CALD1: variants seen among roughly 807,000 people sequenced by gnomAD.
CALD1 encodes caldesmon.
In CALD1, 33 loss-of-function variants were observed where a neutral mutation model predicts 99.9. The observed-to-expected ratio is 0.33, with a 90% CI of 0.25 to 0.44. The LOEUF (loss-of-function observed/expected upper bound fraction) is 0.44, where lower values mean the gene tolerates loss of function less well. Ranked by LOEUF, CALD1 falls within the 20% of genes least tolerant of loss-of-function variation. CALD1 has a pLI of 1.00. For synonymous variants in CALD1, 310 were observed against 325.0 expected (o/e 0.95, Z 0.50); for missense variants, 861 against 962.1 (o/e 0.89, Z 1.39).
chr7:134,780,595 A>G (rs1329951095), intron 1 of CALD1, among the ~76,000 whole-genome samples: 3 of 152,186 alleles, frequency 2.0e-5, no homozygotes, highest in Non-Finnish European at 4.4e-5. Context: ...CTAGATAGAC[A>G]TATTTGGGTG....
intron 2 of CALD1, among the ~76,000 whole-genome samples, chr7:134,865,025 G>C (rs1800741018): frequency 6.6e-6 from 1 of 152,102 alleles, no homozygotes; most frequent in African/African-American, 2.4e-5. Flanking sequence ...CCTCACGACT[G>C]ATGGAATCAC....
intron 2 of CALD1, among the ~76,000 whole-genome samples, chr7:134,859,657 T>C (rs1800477150): frequency 6.6e-6 from 1 of 152,206 alleles, no homozygotes; most frequent in Non-Finnish European, 1.5e-5. Flanking sequence ...TGTCTCAGTC[T>C]CCTTTCTTCA....
intron 1 of CALD1, among the ~76,000 whole-genome samples, chr7:134,785,464 A>T (rs1252226914): frequency 2.0e-5 from 3 of 152,256 alleles, no homozygotes; most frequent in African/African-American, 7.2e-5. Context: ...AACTCAATGT[A>T]AACCACAGTA....
intron 3 of CALD1, among the ~76,000 whole-genome samples, chr7:134,895,867 T>C (rs1354935853): frequency 1.3e-5 from 2 of 152,222 alleles, no homozygotes; most frequent in Non-Finnish European, 2.9e-5. Context: ...CACTTGCTTC[T>C]AGTTTCAGTA....
At chr7:134,886,358 G>A (rs1206844959) in intron 3 of CALD1, among the ~76,000 whole-genome samples, 1 of 151,940 alleles carries the variant, frequency 6.6e-6, no homozygotes, top group Non-Finnish European at 1.5e-5. Flanking sequence ...AGTAAGAGTG[G>A]GCATAGGACT....
chr7:134,881,788 C>T (rs1215847272), intron 3 of CALD1, among the ~76,000 whole-genome samples: 1 of 152,132 alleles, frequency 6.6e-6, no homozygotes, highest in Non-Finnish European at 1.5e-5. Context: ...CCCTAGAGCC[C>T]GTCACCTCTG....
intron 2 of CALD1, among the ~76,000 whole-genome samples, chr7:134,849,204 T>C (rs962339912): frequency 9.9e-5 from 15 of 152,242 alleles, no homozygotes; most frequent in African/African-American, 3.1e-4. Flanking sequence ...ATGCGGTTTA[T>C]AGGCAAAACA....
intron 1 of CALD1, among the ~76,000 whole-genome samples, chr7:134,767,447 C>T (rs768045047): frequency 1.3e-5 from 2 of 152,242 alleles, no homozygotes; most frequent in Non-Finnish European, 2.9e-5. Context: ...GCCAAAGCTA[C>T]AGAACCTCAC....
the CALD1 span, among the ~76,000 whole-genome samples, chr7:134,726,680 G>C: frequency 6.6e-6 from 1 of 151,904 alleles, no homozygotes; most frequent in Admixed American, 6.6e-5. Context: ...GTATTAGTCA[G>C]GGCTTTATAA....
At chr7:134,930,903 T>C (rs1805473716) in intron 4 of CALD1, among the ~76,000 whole-genome samples, 1 of 152,284 alleles carries the variant, frequency 6.6e-6, no homozygotes, top group East Asian at 1.9e-4. Context: ...AGAGAAATAA[T>C]AGAAAGAGTT....
the CALD1 span, among the ~76,000 whole-genome samples, chr7:134,726,510 A>G: frequency 7.3e-6 from 1 of 137,078 alleles, no homozygotes; most frequent in Non-Finnish European, 1.5e-5. Flanking sequence ...GATATATAAT[A>G]TACAATATAT....
At chr7:134,713,939 G>C in the CALD1 span, among the ~76,000 whole-genome samples, 18,237 of 152,138 alleles carry the variant, frequency 0.12, 1,333 homozygotes, top group Non-Finnish European at 0.16. Context: ...CCCAATGTTG[G>C]AGGTGGGGCC....
chr7:134,891,004 C>T (rs1225152671), intron 3 of CALD1, among the ~76,000 whole-genome samples: 3 of 152,192 alleles, frequency 2.0e-5, no homozygotes, highest in Non-Finnish European at 4.4e-5. Flanking sequence ...TTGGAAGCCA[C>T]CTACACCAAT....
At chr7:134,811,135 G>A (rs1798339780) in intron 1 of CALD1, among the ~76,000 whole-genome samples, 1 of 152,120 alleles carries the variant, frequency 6.6e-6, no homozygotes, top group South Asian at 2.1e-4. Context: ...TAAAAGGCAA[G>A]AACAATTTTT....
intron 1 of CALD1, among the ~76,000 whole-genome samples, chr7:134,827,490 T>C (rs1472416579): frequency 6.6e-6 from 1 of 152,202 alleles, no homozygotes; most frequent in Non-Finnish European, 1.5e-5. Context: ...AAGGTAGGCA[T>C]TCTCCACTTT....
intron 3 of CALD1, among the ~76,000 whole-genome samples, chr7:134,904,492 G>A (rs770976608): frequency 1.3e-5 from 2 of 151,976 alleles, no homozygotes; most frequent in Admixed American, 6.6e-5. Context: ...GCGGTGGGAG[G>A]ATTGCTTGAG....
chr7:134,928,383 T>C (rs1805210522), intron 3 of CALD1, among the ~76,000 whole-genome samples: 2 of 145,174 alleles, frequency 1.4e-5, no homozygotes, highest in South Asian at 4.3e-4. Context: ...GAGCCGAGAT[T>C]GTGCTGCTGC....
intron 3 of CALD1, among the ~76,000 whole-genome samples, chr7:134,884,902 T>C (rs1220500387): frequency 6.6e-6 from 1 of 152,210 alleles, no homozygotes; most frequent in Non-Finnish European, 1.5e-5. Context: ...CAAATAAGAC[T>C]GTGTATTTGT....
intron 9 of CALD1, among the ~76,000 whole-genome samples, chr7:134,956,240 CA>C (rs879726741): frequency 3.7e-4 from 51 of 139,410 alleles, no homozygotes; most frequent in Admixed American, 9.4e-4. Context: ...AGCATGTTTT[CA>C]AAAAAAAAAA....
Sources: gnomAD v4.1 joint callset for allele counts (sites outside exome capture counted in the v4.1 genomes callset) on GRCh38, gnomAD v4.1.1 for gene constraint, MANE v1.5 for transcripts, NCBI Gene and HGNC (gene_info 2026-07-23, HGNC 2026-07-21) for gene names.